Variants in HECW1 observed in about 807,000 individuals in gnomAD.
HECW1 encodes E3 ubiquitin-protein ligase HECW1.
A neutral mutation model predicts 182.3 loss-of-function variants in HECW1; 61 were observed. That is an observed-to-expected ratio of 0.33 (90% CI 0.27 to 0.41). HECW1 has a LOEUF of 0.41. Ranked by LOEUF, HECW1 falls within the 10% of genes least tolerant of loss-of-function variation. The pLI, the probability that HECW1 is intolerant of heterozygous loss-of-function variation, is 1.00. For synonymous variants in HECW1, 859 were observed against 832.6 expected, an observed-to-expected ratio of 1.03 and a Z score of -0.55; for missense variants, 1,739 against 2,108.9, an observed-to-expected ratio of 0.82 and a Z score of 3.44.
chr7:43,179,733 T>C (rs1355847758), intron 2 of HECW1, among the ~76,000 whole-genome samples: 1 of 152,214 alleles, frequency 6.6e-6, no homozygotes, highest in Non-Finnish European at 1.5e-5. Context: ...CTGCCTTAAT[T>C]TATACCTATG....
intron 3 of HECW1, among the ~76,000 whole-genome samples, chr7:43,256,512 A>C (rs967101163): frequency 2.0e-5 from 3 of 151,516 alleles, no homozygotes; most frequent in Non-Finnish European, 4.4e-5. Flanking sequence ...GGGAGGCTGA[A>C]GCAGGAGAAT....
chr7:43,407,753 A>G (rs2152845171), intron 8 of HECW1, 22 bp downstream of exon 8: 2 of 1,587,492 alleles, frequency 1.3e-6, no homozygotes, highest in African/African-American at 1.4e-5. Context: ...GGGCCCTGAA[A>G]AAAAGCCCAA....
At chr7:43,556,523 C>CA (rs2082028539) in intron 29 of HECW1, among the ~76,000 whole-genome samples, 1 of 151,896 alleles carries the variant, frequency 6.6e-6, no homozygotes, top group Non-Finnish European at 1.5e-5. Context: ...CTCGTCTCTA[C>CA]AAAAAATTTA....
intron 24 of HECW1, chr7:43,510,290 C>T (rs1405525355): frequency 6.6e-6 from 1 of 152,186 alleles, no homozygotes; most frequent in Non-Finnish European, 1.5e-5. Context: ...ATACCTAATA[C>T]AATCCCTCAA....
chr7:43,133,323 A>G (rs1444015715), intron 2 of HECW1, among the ~76,000 whole-genome samples: 2 of 151,956 alleles, frequency 1.3e-5, no homozygotes, highest in African/African-American at 4.8e-5. Context: ...TATAAAATGA[A>G]TTGGTAAACT....
intron 3 of HECW1, among the ~76,000 whole-genome samples, chr7:43,287,005 G>A (rs1375000244): frequency 6.6e-6 from 1 of 152,114 alleles, no homozygotes; most frequent in Admixed American, 6.5e-5. Context: ...ATTGTTTAAT[G>A]ATGGTTGGGG....
chr7:43,446,664 A>T (rs973993137), intron 11 of HECW1, among the ~76,000 whole-genome samples: 1 of 152,252 alleles, frequency 6.6e-6, no homozygotes, highest in South Asian at 2.1e-4. Context: ...ATTAAAAAAA[A>T]TAATTTTAAG....
intron 1 of HECW1, among the ~76,000 whole-genome samples, chr7:43,113,335 T>C (rs1373867369): frequency 6.6e-6 from 1 of 152,016 alleles, no homozygotes; most frequent in Non-Finnish European, 1.5e-5. Flanking sequence ...ACCCACCCCT[T>C]GTGAACCAAA....
chr7:43,151,348 A>G (rs1405143900), intron 2 of HECW1, among the ~76,000 whole-genome samples: 1 of 152,242 alleles, frequency 6.6e-6, no homozygotes, highest in Non-Finnish European at 1.5e-5. Context: ...TAAACCTTGT[A>G]AAAATGATTG....
intron 3 of HECW1, among the ~76,000 whole-genome samples, chr7:43,256,134 G>A (rs957030588): frequency 3.2e-4 from 48 of 152,112 alleles, no homozygotes; most frequent in African/African-American, 1.2e-3. Flanking sequence ...GTAGGCCCTC[G>A]TAAATGTTTT....
At chr7:43,542,076 T>C (rs2081381224) in intron 26 of HECW1, 78 bp downstream of exon 26, 11 of 1,253,082 alleles carry the variant, frequency 8.8e-6, no homozygotes, top group Admixed American at 3.0e-5. Flanking sequence ...GTTATCATCT[T>C]AATCATTTTT....
rs185593148 is a variant in HECW1 at position 43,198,379 on chromosome 7, G to A, written c.-31-45496G>A. ...ACACACCCCACGCTCTCACACACACGTCTTACACACACTCATCAGTCACAC... is the reference window on the plus strand; with the variant it reads ...ACACACCCCACGCTCTCACACACACATCTTACACACACTCATCAGTCACAC... On this transcript the variant is annotated intron_variant, in intron 2 of 29. Coordinates refer to ENST00000395891, the MANE Select transcript of HECW1 (RefSeq NM_015052.5). 2.8e-3 allele frequency among the ~76,000 whole-genome samples: 340 copies of A among 121,060 alleles called. 1 individual carries two copies. The highest frequency in any genetic ancestry group is 0.01 in the African/African-American group (323 of 30,866). The allele number at this position is 121,060 out of a possible 152,430, so 79.4% of individuals were successfully genotyped here. A position where few individuals can be genotyped will look rare whatever the true frequency, so the allele number is the denominator to read the frequency against.
At chr7:43,260,744 T>C (rs572270758) in intron 3 of HECW1, among the ~76,000 whole-genome samples, 30 of 152,260 alleles carry the variant, frequency 2.0e-4, no homozygotes, top group Admixed American at 1.2e-3. Context: ...GACTTAGTCA[T>C]TGCTTGGATG....
intron 9 of HECW1, chr7:43,439,850 G>A (rs2076827351): frequency 6.6e-6 from 1 of 152,362 alleles, no homozygotes; most frequent in African/African-American, 2.4e-5. Flanking sequence ...GATTTTCCCA[G>A]TGTTCTTGCC....
At position 43,159,707 on chromosome 7, in the gene HECW1, T is replaced by A. The variant is rs150956231; in HGVS notation, c.-32+45316T>A. On this transcript the variant is annotated intron_variant, in intron 2 of 29. Coordinates refer to ENST00000395891, the MANE Select transcript of HECW1 (RefSeq NM_015052.5). ...TTTTTTTTTTTTTTTTGAGATGGAA[T>A]CTTGCTCTGTCGCCCAGGCTGGAGT... 8.9e-3 allele frequency among the ~76,000 whole-genome samples: 1,253 copies of A among 140,290 alleles called. 22 individuals carry two copies. The highest frequency in any genetic ancestry group is 0.03 in the African/African-American group (1,182 of 38,982). 92.0% of individuals were successfully genotyped at this position (140,290 alleles called of 152,430 possible). A position where few individuals can be genotyped will look rare whatever the true frequency, so the allele number is the denominator to read the frequency against.
chr7:43,513,303 G>A (rs2079969584), intron 24 of HECW1, among the ~76,000 whole-genome samples: 2 of 152,162 alleles, frequency 1.3e-5, no homozygotes, highest in African/African-American at 2.4e-5. Flanking sequence ...TGCTCTCCAC[G>A]ACGCGTGAAT....
intron 26 of HECW1, among the ~76,000 whole-genome samples, chr7:43,546,045 C>T (rs928497728): frequency 1.3e-5 from 2 of 151,576 alleles, no homozygotes; most frequent in Non-Finnish European, 2.9e-5. Flanking sequence ...GATTGTCTAA[C>T]ATCGATTTGT....
intron 8 of HECW1, among the ~76,000 whole-genome samples, chr7:43,423,553 C>A (rs925475375): frequency 6.6e-6 from 1 of 152,180 alleles, no homozygotes; most frequent in East Asian, 1.9e-4. Flanking sequence ...CTTCTGAGGA[C>A]ATAAGATGGA....
intron 6 of HECW1, among the ~76,000 whole-genome samples, chr7:43,370,284 G>T (rs1817169593): frequency 6.6e-6 from 1 of 152,124 alleles, no homozygotes; most frequent in South Asian, 2.1e-4. Context: ...TTAGAGAACT[G>T]CAAATTAAAA....
Sources: gnomAD v4.1 joint callset for allele counts (sites outside exome capture counted in the v4.1 genomes callset) on GRCh38, gnomAD v4.1.1 for gene constraint, MANE v1.5 for transcripts, NCBI Gene and HGNC (gene_info 2026-07-23, HGNC 2026-07-21) for gene names.